The following PDE4D variants were observed in gnomAD, a reference collection of about 807,000 sequenced individuals.
PDE4D encodes the protein phosphodiesterase 4D.
PDE4D carries 24 observed loss-of-function variants against 87.4 expected under a neutral mutation model. That is an observed-to-expected ratio of 0.27 (90% CI 0.20 to 0.39). The LOEUF (loss-of-function observed/expected upper bound fraction) is 0.39, where lower values mean the gene tolerates loss of function less well. Among genes scored for constraint, PDE4D ranks in the 10% least tolerant of loss-of-function variants. The pLI is 1.00. For missense variants in PDE4D, 714 were observed against 1,041.0 expected (o/e 0.69, Z 4.32); for synonymous variants, 384 against 383.2 (o/e 1.00, Z -0.02).
chr5:59,642,079 G>A (rs1376943525), intron 1 of PDE4D, among the ~76,000 whole-genome samples: 1 of 151,972 alleles, frequency 6.6e-6, no homozygotes, highest in Non-Finnish European at 1.5e-5. Flanking sequence ...GAATTAAGTG[G>A]AAAGAAAAAG....
intron 2 of PDE4D, among the ~76,000 whole-genome samples, chr5:59,996,753 C>T (rs539126356): frequency 2.6e-5 from 4 of 152,166 alleles, no homozygotes; most frequent in South Asian, 4.1e-4. Flanking sequence ...GGCATTGTAT[C>T]GACTTAACAC....
At chr5:59,836,702 T>C (rs894463802) in intron 1 of PDE4D, among the ~76,000 whole-genome samples, 4 of 151,898 alleles carry the variant, frequency 2.6e-5, no homozygotes, top group African/African-American at 9.7e-5. Context: ...TCTATGTATC[T>C]GTCTATCTAT....
intron 1 of PDE4D, among the ~76,000 whole-genome samples, chr5:60,444,727 G>C (rs1333815268): frequency 6.6e-6 from 1 of 151,880 alleles, no homozygotes; most frequent in South Asian, 2.1e-4. Context: ...GGAGGGGAAG[G>C]GTGGGGATGT....
intron 1 of PDE4D, among the ~76,000 whole-genome samples, chr5:59,338,016 T>C (rs1195654847): frequency 1.3e-5 from 2 of 152,212 alleles, no homozygotes; most frequent in African/African-American, 4.8e-5. Flanking sequence ...CTTGAAAAAG[T>C]TCATAGGTTA....
intron 1 of PDE4D, among the ~76,000 whole-genome samples, chr5:59,878,985 G>T (rs934818240): frequency 2.3e-5 from 3 of 129,292 alleles, no homozygotes; most frequent in African/African-American, 8.6e-5. Flanking sequence ...TGCAAGCTCC[G>T]CCTCCTGGGT....
intron 3 of PDE4D, among the ~76,000 whole-genome samples, chr5:59,930,182 A>AT (rs1755760618): frequency 6.6e-6 from 1 of 151,778 alleles, no homozygotes; most frequent in Non-Finnish European, 1.5e-5. Context: ...AAAAAAAAAA[A>AT]AAAACCGGCC....
intron 2 of PDE4D, among the ~76,000 whole-genome samples, chr5:60,067,524 T>C (rs12187644): frequency 3.9e-5 from 6 of 152,006 alleles, no homozygotes; most frequent in African/African-American, 1.4e-4. Context: ...AGGAAAATTA[T>C]AATACCACTG....
intron 1 of PDE4D, among the ~76,000 whole-genome samples, chr5:59,612,685 T>C (rs74938197): frequency 0.045 from 6,887 of 152,230 alleles, 205 homozygotes; most frequent in Non-Finnish European, 0.069. Context: ...ATGGTGAAGA[T>C]ATAATTATTA....
intron 1 of PDE4D, among the ~76,000 whole-genome samples, chr5:60,283,508 GT>G (rs1385857646): frequency 6.6e-6 from 1 of 152,062 alleles, no homozygotes; most frequent in African/African-American, 2.4e-5. Flanking sequence ...CTACTGAAAA[GT>G]TTTTGGCATT....
chr5:59,282,966 G>C (rs1766143374), intron 1 of PDE4D, among the ~76,000 whole-genome samples: 2 of 152,140 alleles, frequency 1.3e-5, no homozygotes, highest in Admixed American at 1.3e-4. Flanking sequence ...GTAGGATCAA[G>C]TTAAGAAGAG....
At chr5:59,636,010 T>C (rs962111360) in intron 1 of PDE4D, among the ~76,000 whole-genome samples, 25 of 152,214 alleles carry the variant, frequency 1.6e-4, no homozygotes, top group African/African-American at 6.0e-4. Flanking sequence ...CAAAAACTCC[T>C]TAAGCTGATA....
chr5:58,982,566 T>A (rs1029255956), intron 11 of PDE4D, among the ~76,000 whole-genome samples: 3 of 152,212 alleles, frequency 2.0e-5, no homozygotes, highest in Non-Finnish European at 4.4e-5. Flanking sequence ...GACAAAATGC[T>A]ACCCTTTCCA....
At position 59,799,742 on chromosome 5, in the gene PDE4D, T is replaced by C. The variant is rs192476920; in HGVS notation, c.455+93426A>G. The stretch of plus-strand genomic sequence containing the variant: ...AAGACATCTATTGGATTGTCCAAAA[T>C]ACTGTAAAATTTTGGCAATGTGGTA... On this transcript the variant is annotated intron_variant, in intron 1 of 14. Coordinates refer to ENST00000340635, the MANE Select transcript of PDE4D (RefSeq NM_001104631.2). Among the ~76,000 whole-genome samples, 182 of 152,326 alleles carry C rather than the reference T, an allele frequency of 1.2e-3. 1 individual carries two copies. Among genetic ancestry groups the C allele is most frequent in the African/African-American group, 4.3e-3 (177 of 41,564 alleles).
intron 1 of PDE4D, among the ~76,000 whole-genome samples, chr5:59,570,282 T>C (rs1821608108): frequency 6.6e-6 from 1 of 152,212 alleles, no homozygotes; most frequent in African/African-American, 2.4e-5. Flanking sequence ...GTATTTAATC[T>C]CCTGATACTT....
At chr5:59,976,332 A>G (rs899162466) in intron 3 of PDE4D, among the ~76,000 whole-genome samples, 4 of 152,080 alleles carry the variant, frequency 2.6e-5, no homozygotes, top group South Asian at 2.1e-4. Context: ...TTGATTCCCA[A>G]TGTTGATGGT....
chr5:60,406,442 T>C (rs1353248728), intron 1 of PDE4D, among the ~76,000 whole-genome samples: 1 of 152,236 alleles, frequency 6.6e-6, no homozygotes, highest in Non-Finnish European at 1.5e-5. Context: ...CTGTTTGAGA[T>C]GCCACATCTA....
At chr5:59,342,243 T>C (rs996558704) in intron 1 of PDE4D, among the ~76,000 whole-genome samples, 1 of 152,232 alleles carries the variant, frequency 6.6e-6, no homozygotes, top group Non-Finnish European at 1.5e-5. Flanking sequence ...GATAGTTTTA[T>C]ACTTAGCATA....
intron 12 of PDE4D, 33 bp from the exon 13 acceptor site, chr5:58,976,505 G>A: frequency 6.8e-7 from 1 of 1,466,092 alleles, no homozygotes; most frequent in Non-Finnish European, 9.3e-7. Context: ...TAAGTTCAGA[G>A]AAAACAGAAT....
At chr5:60,412,372 A>C (rs556182660) in intron 1 of PDE4D, among the ~76,000 whole-genome samples, 1 of 152,232 alleles carries the variant, frequency 6.6e-6, no homozygotes, top group African/African-American at 2.4e-5. Flanking sequence ...AGATAGAAAA[A>C]CCAGTCAATA....
Sources: gnomAD v4.1 joint callset for allele counts (sites outside exome capture counted in the v4.1 genomes callset) on GRCh38, gnomAD v4.1.1 for gene constraint, MANE v1.5 for transcripts, NCBI Gene and HGNC (gene_info 2026-07-23, HGNC 2026-07-21) for gene names.